STX18: variants seen among roughly 807,000 people sequenced by gnomAD.
STX18 encodes syntaxin 18, also known as syntaxin-18.
STX18 carries 40 observed loss-of-function variants against 50.1 expected under a neutral mutation model. That is an observed-to-expected ratio of 0.80 (90% CI 0.62 to 1.04). STX18 has a LOEUF of 1.04. Ranked by LOEUF, STX18 falls within the 50% of genes least tolerant of loss-of-function variation. STX18 has a pLI of 0.00. For synonymous variants in STX18, 158 were observed against 151.8 expected (o/e 1.04, Z -0.30); for missense variants, 410 against 415.8 (o/e 0.99, Z 0.12).
In STX18 at chr4:4,459,602, T is replaced by A. The variant is rs4630991; in HGVS notation, c.237-115A>T. On this transcript the variant is annotated intron_variant, in intron 2 of 10. Transcript: ENST00000306200. The stretch of plus-strand genomic sequence containing the variant: ...ATCAGGTGACATTTAAGCTGAGACT[T>A]GAAGGGTGAGGAGGAACAGGCCAGG... 1.6e-3 allele frequency: 1,197 copies of A among 750,274 alleles called. 18 individuals carry two copies. In the South Asian group the frequency reaches 0.018, roughly 11 times the overall value. The allele number at this position is 750,274 out of a possible 1,614,324, so 46.5% of individuals were successfully genotyped here.
Position 4,449,956 on chromosome 4 carries a change from T to G in STX18, c.497+7235A>C, listed in dbSNP as rs140521720. Among the ~76,000 whole-genome samples, 348 of 152,300 alleles carry G rather than the reference T, an allele frequency of 2.3e-3. 1 individual carries two copies. Among genetic ancestry groups the G allele is most frequent in the African/African-American group, 7.8e-3 (325 of 41,560 alleles). ...ACGTCCTAACATTCTGAGCCCTTCC[T>G]TGTTCCAGGTTTATATGTTCCCTGC... On this transcript the variant is annotated intron_variant, in intron 5 of 10. Transcript: ENST00000306200.
chr4:4,422,289 G>A (rs1037162594), intron 9 of STX18, among the ~76,000 whole-genome samples: 42 of 152,052 alleles, frequency 2.8e-4, no homozygotes, highest in Non-Finnish European at 5.7e-4. Context: ...CCAGTGGGCC[G>A]GGCGCAGTGG....
intron 1 of STX18, among the ~76,000 whole-genome samples, chr4:4,482,630 G>T (rs746717129): frequency 8.5e-5 from 13 of 152,166 alleles, no homozygotes; most frequent in Non-Finnish European, 1.9e-4. Flanking sequence ...GCAACCACCT[G>T]CGTGCCAGAC....
At position 4,457,275 on chromosome 4, in the gene STX18, A is replaced by G. The variant is rs1727130575; in HGVS notation, c.431-18T>C. On this transcript the variant is annotated intron_variant, in intron 4 of 10. Coordinates refer to ENST00000306200, the MANE Select transcript of STX18 (RefSeq NM_016930.4). ...ACATACTCCTGTTGCAGAAGAAAATACCAGAAGAGAGACTGCTTAAAACAG... is the reference window on the plus strand; with the variant it reads ...ACATACTCCTGTTGCAGAAGAAAATGCCAGAAGAGAGACTGCTTAAAACAG... 6.2e-7 allele frequency: 1 copy of G among 1,612,568 alleles called. No individual in the cohort carries two copies. Among genetic ancestry groups the G allele is most frequent in the South Asian group, 1.1e-5 (1 of 91,032 alleles).
At chr4:4,532,308 C>T (rs915450860) in intron 1 of STX18, among the ~76,000 whole-genome samples, 31 of 152,132 alleles carry the variant, frequency 2.0e-4, no homozygotes, top group Admixed American at 3.9e-4. Flanking sequence ...TTAATGAGCA[C>T]TTACTAATTT....
rs1727637064 is a variant in STX18 at position 4,466,681 on chromosome 4, G to A, written c.236+4958C>T. On this transcript the variant is annotated intron_variant, in intron 2 of 10. Coordinates refer to ENST00000306200, the MANE Select transcript of STX18 (RefSeq NM_016930.4). ...TGGGCGAGCAGGACAGTGGCAATGG[G>A]GACTGGGAGAAGCCTGTGCCTATGA... Among the ~76,000 whole-genome samples, 3 of 152,180 alleles carry A rather than the reference G, an allele frequency of 2.0e-5. No homozygotes were observed. In the South Asian group the frequency reaches 6.2e-4, roughly 32 times the overall value.
At chr4:4,513,495 A>G (rs1730100525) in intron 1 of STX18, among the ~76,000 whole-genome samples, 1 of 152,214 alleles carries the variant, frequency 6.6e-6, no homozygotes, top group African/African-American at 2.4e-5. Context: ...GCTTCGTGGA[A>G]GTCATCTAAT....
intron 1 of STX18, chr4:4,476,268 G>A (rs1728171033): frequency 6.6e-6 from 1 of 152,232 alleles, no homozygotes. Flanking sequence ...CTAACATAAA[G>A]TGTAGTTTAA....
chr4:4,419,076 ACTGT>A lies in STX18; in HGVS notation c.*954_*957del, dbSNP rs1197388746. ...TGAGGATACCTGTGCTGCCCAGTGGACTGTCTGTACACACACGCATTTCACCAGG... is the reference window on the plus strand; with the variant it reads ...TGAGGATACCTGTGCTGCCCAGTGGACTGTACACACACGCATTTCACCAGG... On this transcript the variant is annotated 3_prime_UTR_variant, in exon 11 of 11. Transcript: ENST00000306200. 1 of 152,242 alleles carries A rather than the reference ACTGT, an allele frequency of 6.6e-6. No homozygotes were observed. The highest frequency in any genetic ancestry group is 1.9e-4 in the East Asian group (1 of 5,198). 9.4% of individuals were successfully genotyped at this position (152,242 alleles called of 1,614,324 possible).
chr4:4,493,325 T>C (rs2108867111), intron 1 of STX18, among the ~76,000 whole-genome samples: 1 of 124,168 alleles, frequency 8.1e-6, no homozygotes, highest in Admixed American at 1.0e-4. Flanking sequence ...TTCATAGTCC[T>C]ACAAAGAGAA....
chr4:4,447,590 C>T, intron 5 of STX18, among the ~76,000 whole-genome samples: 1 of 43,524 alleles, frequency 2.3e-5, no homozygotes, highest in Non-Finnish European at 4.1e-5. Context: ...GACTCCGTCT[C>T]ACAAAAAAAA....
At chr4:4,511,226 T>C (rs992935921) in intron 1 of STX18, among the ~76,000 whole-genome samples, 3 of 152,196 alleles carry the variant, frequency 2.0e-5, no homozygotes, top group African/African-American at 7.2e-5. Flanking sequence ...GGTTGGAAGA[T>C]GAATCAAAGG....
chr4:4,499,887 C>G (rs1156623658), intron 1 of STX18, among the ~76,000 whole-genome samples: 1 of 151,126 alleles, frequency 6.6e-6, no homozygotes, highest in African/African-American at 2.4e-5. Flanking sequence ...AATAAAATGA[C>G]TGCTGTTTAA....
intron 1 of STX18, among the ~76,000 whole-genome samples, chr4:4,505,508 G>C (rs1202222725): frequency 3.3e-5 from 5 of 152,150 alleles, no homozygotes; most frequent in African/African-American, 1.2e-4. Context: ...GGATGGGTGT[G>C]GTGGCTCACG....
intron 1 of STX18, among the ~76,000 whole-genome samples, chr4:4,516,699 ATGC>A (rs1169842841): frequency 1.3e-5 from 2 of 152,192 alleles, no homozygotes; most frequent in Non-Finnish European, 2.9e-5. Context: ...CTAACGTGCT[ATGC>A]ATTTTTATTT....
chr4:4,437,582 T>C (rs1560163211), intron 6 of STX18: 5 of 982,858 alleles, frequency 5.1e-6, no homozygotes, highest in Non-Finnish European at 6.0e-6. Flanking sequence ...ACTCAACCTG[T>C]AATTTCTGTG....
At chr4:4,487,590 C>G (rs73086298) in intron 1 of STX18, among the ~76,000 whole-genome samples, 283 of 152,246 alleles carry the variant, frequency 1.9e-3, no homozygotes, top group African/African-American at 6.6e-3. Flanking sequence ...TTGGGCTCTC[C>G]GAGGATAAAA....
intron 1 of STX18, among the ~76,000 whole-genome samples, chr4:4,510,008 G>A (rs904626258): frequency 3.9e-5 from 6 of 152,140 alleles, no homozygotes; most frequent in African/African-American, 1.2e-4. Flanking sequence ...GACAACTATA[G>A]ATGTTTCTAA....
intron 1 of STX18, among the ~76,000 whole-genome samples, chr4:4,511,208 T>A (rs1729989410): frequency 6.6e-6 from 1 of 152,136 alleles, no homozygotes; most frequent in African/African-American, 2.4e-5. Flanking sequence ...TGCCATGGCT[T>A]GAATGTAGGT....
Sources: gnomAD v4.1 joint callset for allele counts (sites outside exome capture counted in the v4.1 genomes callset) on GRCh38, gnomAD v4.1.1 for gene constraint, MANE v1.5 for transcripts, NCBI Gene and HGNC (gene_info 2026-07-23, HGNC 2026-07-21) for gene names.